Variants in GLT1D1 observed in about 807,000 individuals in gnomAD.
GLT1D1 encodes glycosyltransferase 1 domain-containing protein 1.
A neutral mutation model predicts 28.7 loss-of-function variants in GLT1D1; 21 were observed. That is an observed-to-expected ratio of 0.73 (90% CI 0.52 to 1.05). The LOEUF (loss-of-function observed/expected upper bound fraction) is 1.05. GLT1D1 is among the 50% of genes least tolerant of loss of function. The pLI is 0.00. For missense variants in GLT1D1, 343 were observed against 330.6 expected, an observed-to-expected ratio of 1.04 and a Z score of -0.29; for synonymous variants, 147 against 124.8, an observed-to-expected ratio of 1.18 and a Z score of -1.19.
At chr12:128,908,715 C>A (rs953421354) in intron 4 of GLT1D1, among the ~76,000 whole-genome samples, 1 of 151,774 alleles carries the variant, frequency 6.6e-6, no homozygotes, top group Non-Finnish European at 1.5e-5. Context: ...TTTGGGAGGC[C>A]GAGGAGGGCG....
At chr12:128,940,284 A>G (rs1875059540) in intron 4 of GLT1D1, among the ~76,000 whole-genome samples, 1 of 152,176 alleles carries the variant, frequency 6.6e-6, no homozygotes, top group Non-Finnish European at 1.5e-5. Context: ...AACAGCAACC[A>G]GAGAGGCAGC....
intron 6 of GLT1D1, among the ~76,000 whole-genome samples, chr12:128,955,365 T>G (rs1220561886): frequency 1.3e-5 from 2 of 152,134 alleles, no homozygotes; most frequent in African/African-American, 4.8e-5. Flanking sequence ...GTGGTTGAGG[T>G]TGATCAAGGC....
chr12:128,965,710 T>TAAAA (rs757636287), intron 7 of GLT1D1, among the ~76,000 whole-genome samples: 5 of 104,708 alleles, frequency 4.8e-5, no homozygotes, highest in African/African-American at 7.1e-5. Flanking sequence ...TGTCTCTGCT[T>TAAAA]AAAAAAAAAA....
intron 1 of GLT1D1, chr12:128,864,125 T>G: frequency 1.5e-6 from 1 of 668,942 alleles, no homozygotes; most frequent in South Asian, 1.6e-5. Context: ...CCAGCTCGGC[T>G]GGGGCAGGAG....
At chr12:128,976,322 A>G (rs545368) in intron 7 of GLT1D1, among the ~76,000 whole-genome samples, 104,331 of 151,928 alleles carry the variant, frequency 0.69, 36,094 homozygotes, top group Non-Finnish European at 0.72. Context: ...CACCCACCCA[A>G]TCAGTATCTC....
chr12:128,940,038 G>A (rs985758772), intron 4 of GLT1D1, among the ~76,000 whole-genome samples: 3 of 151,672 alleles, frequency 2.0e-5, no homozygotes, highest in Non-Finnish European at 4.4e-5. Context: ...TTTTGTATTG[G>A]TGGTGCCGTC....
chr12:128,927,387 C>T (rs1404849140), intron 4 of GLT1D1, among the ~76,000 whole-genome samples: 1 of 152,026 alleles, frequency 6.6e-6, no homozygotes, highest in Non-Finnish European at 1.5e-5. Context: ...TACAGGTGCC[C>T]ACCACCATGC....
Position 128,947,344 on chromosome 12 carries a change from TG to T in GLT1D1, c.430del (p.Val144TyrfsTer3). 6.2e-7 allele frequency: 1 copy of T among 1,613,994 alleles called. No homozygotes were observed. Among genetic ancestry groups the T allele is most frequent in the Non-Finnish European group, 8.5e-7 (1 of 1,179,950 alleles). ...TTCCTGCTTTGTGTTTCAGAGCCGC[TG>T]GGGTACGATTGATTGGAGAGATGCC... is the stretch of plus-strand genomic sequence containing the variant. On this transcript the variant is annotated frameshift_variant, in exon 6 of 8. Transcript: ENST00000281703. LOFTEE classifies it high-confidence loss of function.
chr12:128,973,001 G>A (rs537509336), intron 7 of GLT1D1, among the ~76,000 whole-genome samples: 41 of 152,040 alleles, frequency 2.7e-4, no homozygotes, highest in Non-Finnish European at 4.7e-4. Flanking sequence ...TCCAGAATGT[G>A]ACCCTCCTAA....
intron 3 of GLT1D1, among the ~76,000 whole-genome samples, chr12:128,889,707 G>A (rs1180767869): frequency 2.6e-5 from 4 of 152,204 alleles, no homozygotes; most frequent in Non-Finnish European, 5.9e-5. Context: ...GCCCAAGACA[G>A]AAAGGAGTCA....
chr12:128,911,737 C>G (rs541661151), intron 4 of GLT1D1, among the ~76,000 whole-genome samples: 2 of 152,264 alleles, frequency 1.3e-5, no homozygotes, highest in South Asian at 4.1e-4. Context: ...TTCAATTTCT[C>G]TCTAGTAGTT....
At chr12:128,929,642 G>A (rs893928813) in intron 4 of GLT1D1, among the ~76,000 whole-genome samples, 1 of 152,088 alleles carries the variant, frequency 6.6e-6, no homozygotes, top group African/African-American at 2.4e-5. Context: ...TATTTACCTG[G>A]AAAGGGCCAC....
chr12:128,982,862 C>T, intron 7 of GLT1D1, 67 bp from the exon 12 acceptor site: 5 of 1,467,656 alleles, frequency 3.4e-6, no homozygotes, highest in South Asian at 1.2e-5. Flanking sequence ...GACACAGGAT[C>T]TTGGGTGCAT....
At chr12:128,944,620 A>G in intron 4 of GLT1D1, 1 of 737,528 alleles carries the variant, frequency 1.4e-6, no homozygotes, top group South Asian at 1.4e-5. Context: ...CAGGTTAATC[A>G]CTGTGTCGGT....
chr12:128,853,658 A>G lies in GLT1D1; in HGVS notation c.68+9A>G. The G allele has an allele frequency of 8.9e-7, 1 of 1,118,190 alleles. No individual in the cohort carries two copies. The highest frequency in any genetic ancestry group is 3.2e-5 in the South Asian group (1 of 31,154). 69.3% of individuals were successfully genotyped at this position (1,118,190 alleles called of 1,614,324 possible). Reference sequence around the variant, plus strand: ...ACGGCCCAGCGCGTTCGGTAGGTGCAGGGCGCCGGGGCCTACGAAGCCTGG... The same window carrying G: ...ACGGCCCAGCGCGTTCGGTAGGTGCGGGGCGCCGGGGCCTACGAAGCCTGG... On this transcript the variant is annotated intron_variant, in intron 1 of 7. Transcript: ENST00000281703.
intron 6 of GLT1D1, among the ~76,000 whole-genome samples, chr12:128,954,168 G>A (rs1877024592): frequency 6.6e-6 from 1 of 151,354 alleles, no homozygotes; most frequent in East Asian, 1.9e-4. Context: ...CTGTCGCCCA[G>A]GCTGGAGTGC....
rs185325379 is a variant in GLT1D1, at chr12:128,948,612, C to T, written c.540+1154C>T. On this transcript the variant is annotated intron_variant, in intron 6 of 7. Coordinates refer to ENST00000281703, the MANE Select transcript of GLT1D1 (RefSeq NM_144669.3). ...AGGTTTCATGTGTTCTTTCTGAATA[C>T]GTAGATTTCTTATGTCAGTGTCTAC... Among the ~76,000 whole-genome samples, 172 of 152,276 alleles carry T rather than the reference C, an allele frequency of 1.1e-3. 1 individual carries two copies. The highest frequency in any genetic ancestry group is 4.0e-3 in the African/African-American group (165 of 41,568).
chr12:128,874,118 CT>C (rs1956800429), intron 1 of GLT1D1, among the ~76,000 whole-genome samples: 7 of 64,088 alleles, frequency 1.1e-4, no homozygotes, highest in African/African-American at 4.7e-4. Context: ...CTCTCTCTCT[CT>C]CTCTCTCTTT....
intron 7 of GLT1D1, among the ~76,000 whole-genome samples, chr12:128,964,166 G>A (rs1878232081): frequency 6.6e-6 from 1 of 152,192 alleles, no homozygotes. Flanking sequence ...CAGATTGCTT[G>A]AGCCCAGGAG....
Sources: allele counts gnomAD v4.1 joint callset (sites outside exome capture counted in the v4.1 genomes callset), GRCh38; gene constraint gnomAD v4.1.1; transcripts MANE v1.5; gene names NCBI Gene and HGNC (gene_info 2026-07-23, HGNC 2026-07-21).